Variants in MACROD2 observed in about 807,000 individuals in gnomAD.
MACROD2 encodes ADP-ribose glycohydrolase MACROD2.
In MACROD2, 36 loss-of-function variants were observed where a neutral mutation model predicts 70.4. The observed-to-expected ratio is 0.51, with a 90% CI of 0.39 to 0.68. The LOEUF is 0.68. Among genes scored for constraint, MACROD2 ranks in the 30% least tolerant of loss-of-function variants. MACROD2 has a pLI of 0.00. For missense variants in MACROD2, 496 were observed against 538.4 expected (o/e 0.92, Z 0.78); for synonymous variants, 172 against 178.8 (o/e 0.96, Z 0.30).
intron 15 of MACROD2, among the ~76,000 whole-genome samples, chr20:15,999,698 A>T (rs2066682514): frequency 6.6e-6 from 1 of 152,210 alleles, no homozygotes; most frequent in Admixed American, 6.5e-5. Context: ...TTCTTGATAA[A>T]TTGATTCCTT....
chr20:14,999,251 C>G (rs1469586083), intron 5 of MACROD2, among the ~76,000 whole-genome samples: 1 of 152,206 alleles, frequency 6.6e-6, no homozygotes, highest in Non-Finnish European at 1.5e-5. Flanking sequence ...TAGTATAACA[C>G]TCATTGTGGT....
intron 5 of MACROD2, among the ~76,000 whole-genome samples, chr20:14,718,244 G>C (rs2071419495): frequency 1.7e-5 from 2 of 117,438 alleles, no homozygotes; most frequent in South Asian, 3.0e-4. Context: ...GGTGAGCTGA[G>C]ATCACACCAC....
chr20:15,820,445 G>A (rs1028949951), intron 8 of MACROD2, among the ~76,000 whole-genome samples: 3 of 152,072 alleles, frequency 2.0e-5, no homozygotes, highest in Non-Finnish European at 2.9e-5. Flanking sequence ...TTCCTCCTTG[G>A]CCTCTCAAAG....
intron 4 of MACROD2, among the ~76,000 whole-genome samples, chr20:14,552,488 G>T (rs1043906449): frequency 6.6e-6 from 1 of 151,164 alleles, no homozygotes; most frequent in Non-Finnish European, 1.5e-5. Flanking sequence ...ACTTTGTTGG[G>T]CTTCAGCATC....
At chr20:14,587,918 C>T (rs919311448) in intron 4 of MACROD2, among the ~76,000 whole-genome samples, 5 of 151,804 alleles carry the variant, frequency 3.3e-5, no homozygotes, top group African/African-American at 9.7e-5. Flanking sequence ...TTATCAATAC[C>T]CCTTTAAGTG....
chr20:14,809,267 A>G (rs1465721642), intron 5 of MACROD2, among the ~76,000 whole-genome samples: 1 of 152,188 alleles, frequency 6.6e-6, no homozygotes, highest in East Asian at 1.9e-4. Flanking sequence ...ATTAGAATTC[A>G]GGATTAAGAA....
chr20:15,651,691 G>A (rs759622803), intron 8 of MACROD2, among the ~76,000 whole-genome samples: 1 of 152,108 alleles, frequency 6.6e-6, no homozygotes, highest in Non-Finnish European at 1.5e-5. Flanking sequence ...TTCAACTCCA[G>A]TGGTCCTGAG....
intron 5 of MACROD2, among the ~76,000 whole-genome samples, chr20:14,756,190 T>C (rs6135251): frequency 0.048 from 7,329 of 152,142 alleles, 324 homozygotes; most frequent in East Asian, 0.18. Flanking sequence ...TTCCATCAAT[T>C]CCTAAATTAT....
At chr20:14,855,561 T>C (rs903971354) in intron 5 of MACROD2, among the ~76,000 whole-genome samples, 4 of 149,404 alleles carry the variant, frequency 2.7e-5, no homozygotes, top group African/African-American at 9.8e-5. Context: ...AATAAGTCAA[T>C]TGGGGAAGAA....
intron 6 of MACROD2, among the ~76,000 whole-genome samples, chr20:15,378,765 C>T (rs996774746): frequency 6.6e-6 from 1 of 152,082 alleles, no homozygotes; most frequent in East Asian, 1.9e-4. Flanking sequence ...CAAACTCAAA[C>T]AGAATAGTAA....
chr20:15,643,852 G>A (rs2049499724), intron 8 of MACROD2, among the ~76,000 whole-genome samples: 1 of 152,132 alleles, frequency 6.6e-6, no homozygotes, highest in Admixed American at 6.5e-5. Context: ...TCATATAAAA[G>A]CATTTTGGGT....
At chr20:14,227,945 T>A (rs1362245194) in intron 3 of MACROD2, among the ~76,000 whole-genome samples, 2 of 152,128 alleles carry the variant, frequency 1.3e-5, no homozygotes, top group East Asian at 1.9e-4. Flanking sequence ...AATACCATTT[T>A]AAAAAATTAA....
At chr20:15,104,359 T>C (rs1446376525) in intron 5 of MACROD2, among the ~76,000 whole-genome samples, 1 of 152,142 alleles carries the variant, frequency 6.6e-6, no homozygotes, top group African/African-American at 2.4e-5. Context: ...TTGCTCAATG[T>C]TCAGAATCCA....
chr20:15,111,462 G>A lies in MACROD2; in HGVS notation c.419-118478G>A, dbSNP rs557554212. Among the ~76,000 whole-genome samples the A allele has an allele frequency of 9.2e-5, 14 of 152,180 alleles. No individual in the cohort carries two copies. The East Asian group carries it at 1.5e-3, about 17-fold the overall frequency. On this transcript the variant is annotated intron_variant, in intron 5 of 17. Transcript: ENST00000684519. ...TGGGATTACAGGGGTGAGCCACTGC[G>A]CCTGGCCCTCTAGTGTGTTTTCTAT...
chr20:15,027,927 A>C (rs2075246271), intron 5 of MACROD2, among the ~76,000 whole-genome samples: 1 of 152,186 alleles, frequency 6.6e-6, no homozygotes, highest in Non-Finnish European at 1.5e-5. Context: ...GTTTAAATGT[A>C]GAATTCTGAG....
intron 3 of MACROD2, among the ~76,000 whole-genome samples, chr20:14,162,829 C>G (rs1340897132): frequency 6.6e-6 from 1 of 151,756 alleles, no homozygotes; most frequent in Non-Finnish European, 1.5e-5. Flanking sequence ...ATTCTTTGAA[C>G]CTGTCTATAT....
At chr20:15,148,167 A>C (rs1223596223) in intron 5 of MACROD2, among the ~76,000 whole-genome samples, 1 of 151,780 alleles carries the variant, frequency 6.6e-6, no homozygotes, top group Admixed American at 6.6e-5. Flanking sequence ...GGCTGCTTCG[A>C]GCGGGATTAG....
At chr20:14,514,033 A>G (rs2085060168) in intron 4 of MACROD2, among the ~76,000 whole-genome samples, 1 of 152,146 alleles carries the variant, frequency 6.6e-6, no homozygotes, top group Middle Eastern at 3.4e-3. Context: ...ACTTTTTCTA[A>G]ATGATTTAAG....
intron 5 of MACROD2, among the ~76,000 whole-genome samples, chr20:15,224,073 G>A (rs1201829314): frequency 6.6e-6 from 1 of 152,166 alleles, no homozygotes; most frequent in East Asian, 1.9e-4. Flanking sequence ...AAAGATGTCA[G>A]TCCAGCCTTT....
Sources: allele counts gnomAD v4.1 joint callset (sites outside exome capture counted in the v4.1 genomes callset), GRCh38; gene constraint gnomAD v4.1.1; transcripts MANE v1.5; gene names NCBI Gene and HGNC (gene_info 2026-07-23, HGNC 2026-07-21).